Variants in ST7 observed in about 807,000 individuals in gnomAD.
The protein encoded by ST7 is suppression of tumorigenicity 7.
ST7 carries 28 observed loss-of-function variants against 78.7 expected under a neutral mutation model. The observed-to-expected ratio is 0.36, with a 90% CI of 0.26 to 0.49. The LOEUF (loss-of-function observed/expected upper bound fraction) is 0.49. Among genes scored for constraint, ST7 ranks in the 20% least tolerant of loss-of-function variants. The pLI, the probability that ST7 is intolerant of heterozygous loss-of-function variation, is 0.99. For missense variants in ST7, 418 were observed against 696.0 expected (o/e 0.60, Z 4.49); for synonymous variants, 247 against 249.6 (o/e 0.99, Z 0.10).
At chr7:116,990,244 A>G (rs1212352081) in intron 1 of ST7, among the ~76,000 whole-genome samples, 1 of 152,114 alleles carries the variant, frequency 6.6e-6, no homozygotes, top group Non-Finnish European at 1.5e-5. Flanking sequence ...CCGGTGATTA[A>G]CCTTTGATTT....
At chr7:116,957,472 A>G (rs1320482020) in intron 1 of ST7, among the ~76,000 whole-genome samples, 1 of 152,086 alleles carries the variant, frequency 6.6e-6, no homozygotes, top group Non-Finnish European at 1.5e-5. Context: ...AGCGAGTACT[A>G]CAGGTGTGTG....
chr7:116,972,934 G>A (rs558655074), intron 1 of ST7: 31 of 1,259,788 alleles, frequency 2.5e-5, no homozygotes, highest in Non-Finnish European at 3.2e-5. Flanking sequence ...GCTACTGCTC[G>A]CACTCCGATT....
chr7:117,175,993 A>G (rs1289082832), intron 10 of ST7, among the ~76,000 whole-genome samples: 1 of 152,188 alleles, frequency 6.6e-6, no homozygotes, highest in Non-Finnish European at 1.5e-5. Flanking sequence ...GATAAGAACT[A>G]AAATTCTTAG....
At chr7:117,019,124 A>C (rs1795754813) in intron 1 of ST7, among the ~76,000 whole-genome samples, 1 of 152,328 alleles carries the variant, frequency 6.6e-6, no homozygotes, top group African/African-American at 2.4e-5. Context: ...GAACACAAGA[A>C]ATTAATTAGA....
chr7:117,050,234 A>G (rs1425159090), intron 1 of ST7, among the ~76,000 whole-genome samples: 2 of 151,632 alleles, frequency 1.3e-5, no homozygotes, highest in African/African-American at 2.4e-5. Flanking sequence ...AAAAAGAAAA[A>G]AAGAAAAATA....
At chr7:117,000,493 A>G (rs1310601676) in intron 1 of ST7, among the ~76,000 whole-genome samples, 2 of 152,208 alleles carry the variant, frequency 1.3e-5, no homozygotes, top group African/African-American at 4.8e-5. Context: ...GAGGGGAGAA[A>G]CAAGTGACCA....
intron 1 of ST7, among the ~76,000 whole-genome samples, chr7:117,093,718 A>C (rs754667496): frequency 3.9e-5 from 6 of 152,112 alleles, no homozygotes; most frequent in Admixed American, 1.3e-4. Flanking sequence ...CAACAACAAC[A>C]ACAAAAAAAA....
chr7:117,003,190 G>A (rs192607813), intron 1 of ST7, among the ~76,000 whole-genome samples: 6 of 151,828 alleles, frequency 4.0e-5, no homozygotes, highest in African/African-American at 9.7e-5. Context: ...TTACTCTGTC[G>A]CCCAGGCTAG....
intron 12 of ST7, among the ~76,000 whole-genome samples, chr7:117,209,349 A>G (rs1268970185): frequency 6.6e-6 from 1 of 152,174 alleles, no homozygotes; most frequent in Admixed American, 6.5e-5. Flanking sequence ...TCCTTGATAC[A>G]TGTGTATAGA....
chr7:117,061,605 G>C (rs1798356951), intron 1 of ST7, among the ~76,000 whole-genome samples: 2 of 152,128 alleles, frequency 1.3e-5, no homozygotes, highest in Non-Finnish European at 2.9e-5. Flanking sequence ...CAAAGGGCCT[G>C]AATTTTATAT....
In ST7 at chr7:117,175,566, G is replaced by A. The variant is rs1277928440; in HGVS notation, c.1078+4590G>A. On this transcript the variant is annotated intron_variant, in intron 10 of 15. Transcript: ENST00000323984. Reference sequence around the variant, plus strand: ...AGTCATGGGTGGTGGGGAAGAGGTGGATCAGGTCCCAGCTCTGCCTTTCAC... The same window carrying A: ...AGTCATGGGTGGTGGGGAAGAGGTGAATCAGGTCCCAGCTCTGCCTTTCAC... Among the ~76,000 whole-genome samples, 3 of 152,124 alleles carry A rather than the reference G, an allele frequency of 2.0e-5. No individual in the cohort carries two copies. The South Asian group carries it at 6.2e-4, about 32-fold the overall frequency.
chr7:117,123,783 A>G (rs1431196104), intron 3 of ST7, among the ~76,000 whole-genome samples: 2 of 152,154 alleles, frequency 1.3e-5, no homozygotes, highest in East Asian at 3.9e-4. Context: ...AAGATGCCAT[A>G]AAGACAAAGG....
chr7:117,150,012 C>G (rs1373164706), intron 9 of ST7, among the ~76,000 whole-genome samples: 7 of 152,104 alleles, frequency 4.6e-5, no homozygotes, highest in Non-Finnish European at 1.0e-4. Flanking sequence ...ACCTGACTGC[C>G]AGTGTTTCTG....
Position 117,219,092 on chromosome 7 carries a change from A to T in ST7, c.1414A>T (p.Met472Leu), listed in dbSNP as rs1314581063. Residue 472 changes from methionine to leucine, a missense_variant, in exon 14 of 16, where the codon ATG becomes TTG. By Grantham distance (15) the Met-to-Leu change is conservative. This residue lies in a region of ST7 where 288 missense variants were observed against 537.1 expected (regional missense o/e 0.54). Transcript: ENST00000323984. This position sits in a 1 kb window ranked among gnomAD's most constrained non-coding sequence, Gnocchi z 5.1. ...TTTTTTCTCGTTTTCAGCTTTTCGG[A>T]TGATCCCTTATCCCTTGGAAAAGGG... ...LHCTWEGTFR[M>L]IPYPLEKGHL... 1.2e-6 allele frequency: 2 copies of T among 1,611,060 alleles called. No homozygotes were observed. The highest frequency in any genetic ancestry group is 2.7e-5 in the African/African-American group (2 of 74,772).
In ST7 at chr7:117,001,536, C is replaced by G. The variant is rs1456500308; in HGVS notation, c.151+47845C>G. 2.0e-5 allele frequency among the ~76,000 whole-genome samples: 3 copies of G among 152,156 alleles called. No individual in the cohort carries two copies. In the East Asian group the frequency reaches 5.8e-4, roughly 29 times the overall value. On this transcript the variant is annotated intron_variant, in intron 1 of 15. Coordinates refer to ENST00000323984, the MANE Select transcript of ST7 (RefSeq NM_001369598.1). The stretch of plus-strand genomic sequence containing the variant: ...TAGTAAGGTGATAAAATTGCAGGAT[C>G]AGGCAATGATACTTTCAGAAGCAAT...
intron 1 of ST7, among the ~76,000 whole-genome samples, chr7:117,083,218 C>T (rs1426780915): frequency 6.6e-6 from 1 of 151,704 alleles, no homozygotes; most frequent in Non-Finnish European, 1.5e-5. Flanking sequence ...CACAACCACA[C>T]CTGGCTAATT....
intron 1 of ST7, among the ~76,000 whole-genome samples, chr7:117,075,083 T>C (rs1446026102): frequency 6.6e-6 from 1 of 152,222 alleles, no homozygotes; most frequent in Non-Finnish European, 1.5e-5. Flanking sequence ...ACCAGTGGTA[T>C]GCTAATATGG....
intron 1 of ST7, among the ~76,000 whole-genome samples, chr7:117,061,550 G>A (rs1798353956): frequency 6.6e-6 from 1 of 152,160 alleles, no homozygotes; most frequent in Non-Finnish European, 1.5e-5. Context: ...CCCAGTCTCA[G>A]TGATAAGAAA....
At chr7:116,990,575 A>G (rs762919756) in intron 1 of ST7, among the ~76,000 whole-genome samples, 43 of 152,354 alleles carry the variant, frequency 2.8e-4, no homozygotes, top group Non-Finnish European at 5.0e-4. Context: ...TATAATTTGC[A>G]GTATACAAGC....
Sources: allele counts gnomAD v4.1 joint callset (sites outside exome capture counted in the v4.1 genomes callset), GRCh38; gene constraint gnomAD v4.1.1; regional missense constraint gnomAD v4.1.1; non-coding constraint Gnocchi (gnomAD v3.1); transcripts MANE v1.5; gene names NCBI Gene and HGNC (gene_info 2026-07-23, HGNC 2026-07-21).